TBX1: variants seen among roughly 807,000 people sequenced by gnomAD.
The protein encoded by TBX1 is T-box transcription factor TBX1.
A neutral mutation model predicts 40.8 loss-of-function variants in TBX1; 16 were observed. The ratio of observed to expected loss-of-function variants is 0.39; its 90% CI spans 0.27 to 0.60. The LOEUF is 0.60. Among genes scored for constraint, TBX1 ranks in the 20% least tolerant of loss-of-function variants. The pLI, the probability that TBX1 is intolerant of heterozygous loss-of-function variation, is 0.51. For missense variants in TBX1, 755 were observed against 728.5 expected (o/e 1.04, Z -0.42); for synonymous variants, 403 against 336.8 (o/e 1.20, Z -2.15).
chr22:19,763,580 C>G (rs935951803), intron 2 of TBX1: 2 of 566,892 alleles, frequency 3.5e-6, no homozygotes, highest in African/African-American at 1.9e-5. Context: ...CTCTTGCTCC[C>G]CTGGGCTGGT....
At chr22:19,780,060 T>C (rs1429560557), downstream of TBX1, among the ~76,000 whole-genome samples, 3 of 152,254 alleles carry the variant, frequency 2.0e-5, no homozygotes, top group Non-Finnish European at 4.4e-5. Context: ...TCAGGTGATG[T>C]ATTTGCTAGT....
chr22:19,777,709 C>T (rs925246281), intron 8 of TBX1, among the ~76,000 whole-genome samples: 5 of 151,826 alleles, frequency 3.3e-5, no homozygotes, highest in Admixed American at 2.0e-4. Context: ...GCCCCTTTCA[C>T]TGGGTTTCAG....
downstream of TBX1, chr22:19,783,469 G>C (rs1569033786): frequency 7.3e-6 from 2 of 272,868 alleles, no homozygotes; most frequent in Non-Finnish European, 1.4e-5. Flanking sequence ...AGGATCACTT[G>C]AGCCTATTAG....
chr22:19,759,614 C>T (rs747929709), upstream of TBX1: 50 of 1,611,056 alleles, frequency 3.1e-5, no homozygotes, highest in Admixed American at 4.0e-4. Context: ...CCGGGTGAAG[C>T]TTCGCTGGCT....
Position 19,760,819 on chromosome 22 carries a change from G to GGGCGGC in TBX1, c.-15_-10dup. ...GGGGCAGCGCTCAGCTTGGTGGCGGGGGCGGCGGCGGCGGCCCGCGGGTCA... is the reference window on the plus strand; with the variant it reads ...GGGGCAGCGCTCAGCTTGGTGGCGGGGGCGGCGGCGGCGGCGGCGGCCCGCGGGTCA... On this transcript the variant is annotated 5_prime_UTR_variant, in exon 1 of 7. Coordinates refer to ENST00000649276, the MANE Select transcript of TBX1 (RefSeq NM_001379200.1). 9.2e-6 allele frequency: 7 copies of GGGCGGC among 759,168 alleles called. No homozygotes were observed. The highest frequency in any genetic ancestry group is 1.1e-5 in the Non-Finnish European group (7 of 625,244). 47.0% of individuals were successfully genotyped at this position (759,168 alleles called of 1,614,324 possible).
At chr22:19,757,835 A>G (rs1447171488), upstream of TBX1, among the ~76,000 whole-genome samples, 1 of 152,166 alleles carries the variant, frequency 6.6e-6, no homozygotes, top group Non-Finnish European at 1.5e-5. Context: ...TGAGAGACAT[A>G]AGTCATTGTC....
exon 9 of TBX1, chr22:19,779,231 C>A: frequency 6.2e-7 from 1 of 1,614,204 alleles, no homozygotes; most frequent in Non-Finnish European, 8.5e-7. Context: ...TGGACATGTC[C>A]TGAAGGACAA....
chr22:19,779,360 A>G (rs770850481), exon 9 of TBX1: 1 of 1,614,110 alleles, frequency 6.2e-7, no homozygotes, highest in Non-Finnish European at 8.5e-7. Context: ...ACCCTTCAAT[A>G]CCCAGGGCCT....
At chr22:19,767,576 C>G (rs944314338), downstream of TBX1, among the ~76,000 whole-genome samples, 3 of 152,248 alleles carry the variant, frequency 2.0e-5, no homozygotes, top group East Asian at 1.9e-4. Context: ...GCACTCCCCC[C>G]ACCTTCCCAC....
At chr22:19,761,754 A>T (rs966134344) in intron 1 of TBX1, among the ~76,000 whole-genome samples, 1 of 152,146 alleles carries the variant, frequency 6.6e-6, no homozygotes, top group Admixed American at 6.5e-5. Context: ...CAGCCGGGCA[A>T]CTCTCTGGAC....
In TBX1 at chr22:19,775,546, G is replaced by A. The variant is rs549974591; in HGVS notation, c.1010-3674G>A. Among the ~76,000 whole-genome samples the A allele has an allele frequency of 1.6e-3, 250 of 152,312 alleles. 1 individual carries two copies. The highest frequency in any genetic ancestry group is 5.9e-3 in the African/African-American group (244 of 41,570). On this transcript the variant is annotated intron_variant, in intron 8 of 8. Transcript: ENST00000329705. ...TAACAGGAGCAGTCTTGCCCCCTGGGGTGTTTGACAGTGCCTGGGACACTG... is the reference window on the plus strand; with the variant it reads ...TAACAGGAGCAGTCTTGCCCCCTGGAGTGTTTGACAGTGCCTGGGACACTG...
chr22:19,777,505 G>A (rs1357467699), intron 8 of TBX1, among the ~76,000 whole-genome samples: 2 of 152,102 alleles, frequency 1.3e-5, no homozygotes, highest in African/African-American at 2.4e-5. Flanking sequence ...ATTGTGAATA[G>A]TGCTGCAATA....
chr22:19,774,280 C>T (rs1382017345), intron 8 of TBX1, among the ~76,000 whole-genome samples: 1 of 152,114 alleles, frequency 6.6e-6, no homozygotes. Flanking sequence ...CTGGGCGGGC[C>T]TAGGCACCTG....
At chr22:19,763,768 C>T (rs1321996774) in intron 2 of TBX1, 2 of 397,240 alleles carry the variant, frequency 5.0e-6, no homozygotes, top group Non-Finnish European at 9.2e-6. Context: ...GCCTCAGCTG[C>T]CCGGACAATT....
downstream of TBX1, chr22:19,783,226 G>A: frequency 6.8e-6 from 4 of 589,746 alleles, no homozygotes; most frequent in Non-Finnish European, 1.2e-5. Flanking sequence ...ATGCTGCTCT[G>A]TTTGAGGTGG....
upstream of TBX1, among the ~76,000 whole-genome samples, chr22:19,758,565 G>T (rs1223771500): frequency 6.6e-6 from 1 of 152,224 alleles, no homozygotes. Context: ...CTCCCGGCAG[G>T]CAGGCTGGCT....
chr22:19,763,525 C>T (rs1016628679), intron 2 of TBX1, 183 bp downstream of exon 2: 5 of 625,010 alleles, frequency 8.0e-6, no homozygotes, highest in Non-Finnish European at 1.1e-5. Flanking sequence ...AACCCTACTC[C>T]ATGCCCTCTC....
intron 8 of TBX1, among the ~76,000 whole-genome samples, chr22:19,774,472 A>G (rs541832868): frequency 1.3e-5 from 2 of 152,336 alleles, no homozygotes; most frequent in South Asian, 4.1e-4. Flanking sequence ...TTCTGGGAAA[A>G]TACCCAAGAG....
At chr22:19,766,227 C>T (rs1014885871) in intron 6 of TBX1, 162 bp from the exon 7 acceptor site, 2 of 1,085,736 alleles carry the variant, frequency 1.8e-6, no homozygotes, top group African/African-American at 3.3e-5. Flanking sequence ...CCGGGGAGGG[C>T]TCGGGGCGCC....
Sources: allele counts gnomAD v4.1 joint callset (sites outside exome capture counted in the v4.1 genomes callset), GRCh38; gene constraint gnomAD v4.1.1; transcripts MANE v1.5; gene names NCBI Gene and HGNC (gene_info 2026-07-23, HGNC 2026-07-21).